Variants in BSDC1 observed in about 807,000 individuals in gnomAD.
BSDC1 encodes BSD domain-containing protein 1.
In BSDC1, 29 loss-of-function variants were observed where a neutral mutation model predicts 56.0. The observed-to-expected ratio is 0.52, with a 90% CI of 0.39 to 0.71. The LOEUF (loss-of-function observed/expected upper bound fraction) is 0.71. BSDC1 is among the 30% of genes least tolerant of loss of function. The pLI, the probability that BSDC1 is intolerant of heterozygous loss-of-function variation, is 0.00. For synonymous variants in BSDC1, 210 were observed against 215.3 expected, an observed-to-expected ratio of 0.98 and a Z score of 0.21; for missense variants, 477 against 548.5, an observed-to-expected ratio of 0.87 and a Z score of 1.30.
In BSDC1 at chr1:32,394,040, AGGGCCCTGCTGAGGGAAGAAGGGCAC is replaced by A; in HGVS notation, c.72+14_72+39del. On this transcript the variant is annotated intron_variant, in intron 2 of 10. Transcript: ENST00000455895. ...GGACCAGGTTGCATTGAGGCGGCGC[AGGGCCCTGCTGAGGGAAGAAGGGCAC>A]GGGCCCGGCTTACCTTCTCTTTGAC... 1 of 1,587,554 alleles carries A rather than the reference AGGGCCCTGCTGAGGGAAGAAGGGCAC, an allele frequency of 6.3e-7. No individual in the cohort carries two copies. The highest frequency in any genetic ancestry group is 8.6e-7 in the Non-Finnish European group (1 of 1,166,132).
At chr1:32,368,181 T>C in intron 10 of BSDC1, 2 of 1,435,422 alleles carry the variant, frequency 1.4e-6, no homozygotes, top group Non-Finnish European at 1.8e-6. Flanking sequence ...ATGACATCTG[T>C]TTTCTTAAGC....
chr1:32,373,505 C>G (rs1015890418), intron 9 of BSDC1, among the ~76,000 whole-genome samples: 1 of 152,070 alleles, frequency 6.6e-6, no homozygotes, highest in Non-Finnish European at 1.5e-5. Context: ...CTTATCACTT[C>G]TTGCATATAC....
chr1:32,390,771 C>A (rs1304005120), intron 2 of BSDC1, among the ~76,000 whole-genome samples: 1 of 151,778 alleles, frequency 6.6e-6, no homozygotes, highest in Non-Finnish European at 1.5e-5. Flanking sequence ...ATTAGTTGGG[C>A]GTGATGGTAC....
intron 4 of BSDC1, among the ~76,000 whole-genome samples, chr1:32,382,397 G>A (rs1311341247): frequency 2.0e-5 from 3 of 151,606 alleles, no homozygotes; most frequent in Non-Finnish European, 2.9e-5. Flanking sequence ...TTAGGAGATC[G>A]AGGCTGCCAT....
chr1:32,372,220 G>A (rs1642118065), intron 9 of BSDC1, among the ~76,000 whole-genome samples: 1 of 152,190 alleles, frequency 6.6e-6, no homozygotes, highest in African/African-American at 2.4e-5. Flanking sequence ...GGAAGTCAGG[G>A]CAGCCAAGAC....
intron 9 of BSDC1, among the ~76,000 whole-genome samples, chr1:32,373,576 C>T (rs1227837966): frequency 1.3e-5 from 2 of 152,132 alleles, no homozygotes; most frequent in African/African-American, 2.4e-5. Context: ...GGCTGGAGGG[C>T]AGTGCAGCAA....
intron 1 of BSDC1, 60 bp from the exon 2 acceptor site, chr1:32,394,200 CGGTT>C (rs1642971680): frequency 5.1e-6 from 8 of 1,582,702 alleles, no homozygotes; most frequent in Non-Finnish European, 6.0e-6. Context: ...CCCAAGGATC[CGGTT>C]TGTTCCCCGC....
At position 32,378,716 on chromosome 1, in the gene BSDC1, G is replaced by T; in HGVS notation, c.528+8C>A. On this transcript the variant is annotated splice_region_variant and intron_variant, in intron 6 of 10. Transcript: ENST00000455895. This position sits in a 1 kb window ranked among gnomAD's most constrained non-coding sequence, Gnocchi z 5.2. ...AGCTGGCTGAGGCCCTGCAGGCTGG[G>T]CCCTCACCATCTTGGTGTAGAGGGC... 1 of 1,480,044 alleles carries T rather than the reference G, an allele frequency of 6.8e-7. No homozygotes were observed. The highest frequency in any genetic ancestry group is 9.0e-7 in the Non-Finnish European group (1 of 1,112,340). The allele number at this position is 1,480,044 out of a possible 1,614,324, so 91.7% of individuals were successfully genotyped here. A position where few individuals can be genotyped will look rare whatever the true frequency, so the allele number is the denominator to read the frequency against.
intron 2 of BSDC1, 93 bp from the exon 3 acceptor site, chr1:32,386,988 G>A (rs1642695174): frequency 3.1e-6 from 3 of 961,694 alleles, no homozygotes; most frequent in East Asian, 4.9e-5. Flanking sequence ...ACAGACAAAT[G>A]GAAATCTCCA....
At chr1:32,391,569 G>A (rs1642866797) in intron 2 of BSDC1, among the ~76,000 whole-genome samples, 1 of 152,222 alleles carries the variant, frequency 6.6e-6, no homozygotes, top group African/African-American at 2.4e-5. Context: ...TGGTAAGTAT[G>A]TAGAGCAATG....
chr1:32,386,034 T>A (rs187881095), intron 3 of BSDC1, among the ~76,000 whole-genome samples: 1 of 151,732 alleles, frequency 6.6e-6, no homozygotes, highest in Non-Finnish European at 1.5e-5. Flanking sequence ...AGTAAAAAAA[T>A]AAGGGCTGGG....
intron 10 of BSDC1, chr1:32,367,216 C>G (rs558403877): frequency 1.0e-6 from 1 of 985,416 alleles, no homozygotes; most frequent in African/African-American, 1.7e-5. Flanking sequence ...AGTCTCCCCA[C>G]GGAACGTTTT....
rs1353407381 is a variant in BSDC1, at chr1:32,378,153, A to T, written c.597+62T>A. 1.2e-6 allele frequency: 2 copies of T among 1,609,346 alleles called. No individual in the cohort carries two copies. Among genetic ancestry groups the T allele is most frequent in the African/African-American group, 2.7e-5 (2 of 74,826 alleles). Reference sequence around the variant, plus strand: ...GCACCCTGTATCCCTTTCTTCTCTCAATAAATCCAGCCTGCTTCCCCCAGG... The same window carrying T: ...GCACCCTGTATCCCTTTCTTCTCTCTATAAATCCAGCCTGCTTCCCCCAGG... On this transcript the variant is annotated intron_variant, in intron 7 of 10. Transcript: ENST00000455895. The surrounding 1 kb of genome is among the most constrained non-coding windows in gnomAD (Gnocchi z 5.2).
intron 4 of BSDC1, among the ~76,000 whole-genome samples, chr1:32,381,752 C>G (rs1642481574): frequency 6.6e-6 from 1 of 152,308 alleles, no homozygotes; most frequent in East Asian, 1.9e-4. Context: ...CAAAGTCCAC[C>G]TTTCTTCCTC....
chr1:32,376,780 A>T (rs763070184), intron 8 of BSDC1, 39 bp from the exon 9 acceptor site: 18 of 1,329,246 alleles, frequency 1.4e-5, no homozygotes, highest in Non-Finnish European at 1.7e-5. Context: ...GGGAAATGTA[A>T]CCTGGCCAGC....
At position 32,366,606 on chromosome 1, in the gene BSDC1, G is replaced by A. The variant is rs1347398858; in HGVS notation, c.*16C>T. The A allele has an allele frequency of 6.7e-7, 1 of 1,497,758 alleles. No homozygotes were observed. The highest frequency in any genetic ancestry group is 9.0e-7 in the Non-Finnish European group (1 of 1,115,724). The allele number at this position is 1,497,758 out of a possible 1,614,324, so 92.8% of individuals were successfully genotyped here. On this transcript the variant is annotated 3_prime_UTR_variant, in exon 11 of 11. Transcript: ENST00000455895. ...GAGAGATGCCATGGGTGGGGGAGCT[G>A]CTCCCTCTGGCTCCCTCACTCCCAG... is the stretch of plus-strand genomic sequence containing the variant.
chr1:32,391,357 G>A (rs867189661), intron 2 of BSDC1, among the ~76,000 whole-genome samples: 10 of 152,172 alleles, frequency 6.6e-5, no homozygotes, highest in Non-Finnish European at 1.2e-4. Flanking sequence ...AAAAGTAGAT[G>A]AGGTTGTCTC....
In BSDC1 at chr1:32,383,835, T is replaced by C; in HGVS notation, c.352A>G (p.Thr118Ala). 2.5e-6 allele frequency: 4 copies of C among 1,612,188 alleles called. No homozygotes were observed. The highest frequency in any genetic ancestry group is 2.5e-6 in the Non-Finnish European group (3 of 1,179,982). ...PSGTAEPYDG[T>A]KARLYSLQSD... is the part of the protein sequence containing the mutation. ...GGGAGACTGTCAGTGAATACCTTGG[T>C]GCCATCATAGGGCTCAGCTGTGCCA... The change falls in exon 4 of 11, where the codon ACC becomes GCC. Residue 118 changes from threonine to alanine, a missense_variant. Transcript: ENST00000455895.
intron 9 of BSDC1, chr1:32,374,828 C>T (rs1642217900): frequency 1.3e-5 from 2 of 152,308 alleles, no homozygotes; most frequent in Admixed American, 1.3e-4. Flanking sequence ...CGGCTTCTGC[C>T]CCTCTCCCAC....
Sources: gnomAD v4.1 joint callset for allele counts (sites outside exome capture counted in the v4.1 genomes callset) on GRCh38, gnomAD v4.1.1 for gene constraint, Gnocchi (gnomAD v3.1) non-coding constraint, MANE v1.5 for transcripts, NCBI Gene and HGNC (gene_info 2026-07-23, HGNC 2026-07-21) for gene names.